The following VAT1L variants were observed in gnomAD, a reference collection of about 807,000 sequenced individuals.
VAT1L encodes the protein putative NADPH-dependent quinone oxidoreductase VAT1L.
VAT1L carries 34 observed loss-of-function variants against 44.1 expected under a neutral mutation model. The ratio of observed to expected loss-of-function variants is 0.77; its 90% CI spans 0.59 to 1.03. VAT1L has a LOEUF of 1.03. Ranked by LOEUF, VAT1L falls within the 50% of genes least tolerant of loss-of-function variation. The pLI is 0.00. For missense variants in VAT1L, 615 were observed against 538.8 expected (o/e 1.14, Z -1.40); for synonymous variants, 253 against 202.2 (o/e 1.25, Z -2.13).
intron 7 of VAT1L, among the ~76,000 whole-genome samples, chr16:77,930,602 G>A (rs577626219): frequency 3.3e-5 from 5 of 152,254 alleles, no homozygotes; most frequent in Admixed American, 6.5e-5. Flanking sequence ...GGTAGGTTCC[G>A]TAGCACTCAA....
intron 7 of VAT1L, among the ~76,000 whole-genome samples, chr16:77,932,672 A>G (rs1415212533): frequency 2.0e-5 from 3 of 152,220 alleles, no homozygotes; most frequent in Non-Finnish European, 4.4e-5. Flanking sequence ...CAGTAGAAAC[A>G]GAGTGTCTGG....
chr16:77,792,706 C>G (rs1189785288), intron 1 of VAT1L, among the ~76,000 whole-genome samples: 1 of 152,158 alleles, frequency 6.6e-6, no homozygotes, highest in Non-Finnish European at 1.5e-5. Context: ...GGGATGGGCA[C>G]CTGCCCATAG....
rs535147715 is a variant in VAT1L at position 77,914,997 on chromosome 16, T to C, written c.1077+30195T>C. Among the ~76,000 whole-genome samples, 10 of 152,192 alleles carry C rather than the reference T, an allele frequency of 6.6e-5. No homozygotes were observed. The South Asian group carries it at 8.3e-4, about 13-fold the overall frequency. Reference sequence around the variant, plus strand: ...AAAATTAGCCAGGCCTAGTGGCACATGTCTGTAATCCCAGCTACTCGGGAG... The same window carrying C: ...AAAATTAGCCAGGCCTAGTGGCACACGTCTGTAATCCCAGCTACTCGGGAG... On this transcript the variant is annotated intron_variant, in intron 7 of 8. Transcript: ENST00000302536.
chr16:77,968,821 T>C (rs555153066), intron 7 of VAT1L, among the ~76,000 whole-genome samples: 1 of 152,254 alleles, frequency 6.6e-6, no homozygotes, highest in East Asian at 1.9e-4. Flanking sequence ...TTTGCAAGAA[T>C]CAATTCTTTT....
In VAT1L at chr16:77,795,277, T is replaced by TGG. The variant is rs145455817; in HGVS notation, c.233+6366_233+6367dup. 4.0e-3 allele frequency among the ~76,000 whole-genome samples: 284 copies of TGG among 71,104 alleles called. 1 individual carries two copies. Among genetic ancestry groups the TGG allele is most frequent in the Middle Eastern group, 9.3e-3 (1 of 108 alleles). 46.6% of individuals were successfully genotyped at this position (71,104 alleles called of 152,430 possible). ...AAGCAATAATTGGTAGAATTTACAG[T>TGG]GGGGGCGGGGGGAAAGATTGAGAAA... On this transcript the variant is annotated intron_variant, in intron 1 of 8. Coordinates refer to ENST00000302536, the MANE Select transcript of VAT1L (RefSeq NM_020927.3).
rs547111013 is a variant in VAT1L, at chr16:77,918,575, C to T, written c.1077+33773C>T. On this transcript the variant is annotated intron_variant, in intron 7 of 8. Coordinates refer to ENST00000302536, the MANE Select transcript of VAT1L (RefSeq NM_020927.3). ...CTGTGATCAACACTAGAATGTCAGG[C>T]CCCAGTGTCTGCTGGGAGGGTGCGA... 9.2e-5 allele frequency among the ~76,000 whole-genome samples: 14 copies of T among 152,256 alleles called. 1 individual carries two copies. In the South Asian group the frequency reaches 2.7e-3, roughly 29 times the overall value.
In VAT1L at chr16:77,884,699, A is replaced by G. The variant is rs1236307367; in HGVS notation, c.974A>G (p.Gln325Arg). Reference protein sequence around the residue: ...GFSLLNLLFKQGRAGLIRGVV... With the variant: ...GFSLLNLLFKRGRAGLIRGVV... ...TCCCTTTTAAATCTGCTCTTCAAAC[A>G]AGGCCGGGCGGGCCTCATTCGGGGA... is the stretch of plus-strand genomic sequence containing the variant. Residue 325 changes from glutamine to arginine, a missense_variant, in exon 7 of 9, where the codon CAA becomes CGA. Coordinates refer to ENST00000302536, the MANE Select transcript of VAT1L (RefSeq NM_020927.3). The surrounding 1 kb of genome is among the most constrained non-coding windows in gnomAD (Gnocchi z 4.5). 1.2e-6 allele frequency: 2 copies of G among 1,612,096 alleles called. No individual in the cohort carries two copies. The highest frequency in any genetic ancestry group is 1.1e-5 in the South Asian group (1 of 90,576).
chr16:77,894,589 C>A (rs571189289), intron 7 of VAT1L, among the ~76,000 whole-genome samples: 1 of 152,048 alleles, frequency 6.6e-6, no homozygotes, highest in South Asian at 2.1e-4. Flanking sequence ...GCTGATGGGG[C>A]ATGGCATTTC....
intron 3 of VAT1L, among the ~76,000 whole-genome samples, chr16:77,842,288 T>C (rs2016715211): frequency 6.6e-6 from 1 of 152,152 alleles, no homozygotes; most frequent in South Asian, 2.1e-4. Flanking sequence ...GGAAACACAC[T>C]CCTGTAGATC....
At chr16:77,873,806 A>G (rs2142451260) in intron 4 of VAT1L, among the ~76,000 whole-genome samples, 1 of 152,254 alleles carries the variant, frequency 6.6e-6, no homozygotes, top group Non-Finnish European at 1.5e-5. Context: ...CTCTAAGGAG[A>G]GCAGGGGATA....
At chr16:77,854,386 C>A (rs1359489006) in intron 3 of VAT1L, among the ~76,000 whole-genome samples, 2 of 152,120 alleles carry the variant, frequency 1.3e-5, no homozygotes, top group African/African-American at 4.8e-5. Context: ...GTCTTTGCTG[C>A]CTTTGGTGGC....
intron 3 of VAT1L, among the ~76,000 whole-genome samples, chr16:77,831,908 C>T (rs775166525): frequency 2.0e-5 from 3 of 151,804 alleles, no homozygotes; most frequent in Non-Finnish European, 2.9e-5. Context: ...TTCTGCCTCC[C>T]GGCTTCAATC....
At chr16:77,817,751 C>T (rs2016381047) in intron 2 of VAT1L, among the ~76,000 whole-genome samples, 1 of 152,128 alleles carries the variant, frequency 6.6e-6, no homozygotes, top group South Asian at 2.1e-4. Context: ...TATTATAACG[C>T]AAATCAAATA....
chr16:77,947,694 A>T (rs1029833207), intron 7 of VAT1L, among the ~76,000 whole-genome samples: 1 of 152,228 alleles, frequency 6.6e-6, no homozygotes, highest in African/African-American at 2.4e-5. Context: ...CAATGCATTC[A>T]GTCCTTTCAG....
intron 7 of VAT1L, among the ~76,000 whole-genome samples, chr16:77,888,737 A>G (rs1203650836): frequency 6.6e-6 from 1 of 152,214 alleles, no homozygotes; most frequent in Non-Finnish European, 1.5e-5. Flanking sequence ...GACATTGTCA[A>G]ATGTCTCCTG....
intron 3 of VAT1L, among the ~76,000 whole-genome samples, chr16:77,834,818 C>T (rs1357658887): frequency 1.3e-5 from 2 of 152,146 alleles, no homozygotes; most frequent in African/African-American, 2.4e-5. Flanking sequence ...TGGCCTGGGC[C>T]CTGGAGTCAG....
At chr16:77,913,106 G>A (rs954171646) in intron 7 of VAT1L, among the ~76,000 whole-genome samples, 15 of 152,076 alleles carry the variant, frequency 9.9e-5, no homozygotes, top group African/African-American at 1.9e-4. Context: ...CTGTTTCTCC[G>A]ATCCCCTTTG....
At chr16:77,926,170 G>C (rs371778659) in intron 7 of VAT1L, among the ~76,000 whole-genome samples, 2 of 148,858 alleles carry the variant, frequency 1.3e-5, no homozygotes, top group Non-Finnish European at 3.0e-5. Context: ...GGAGAGTGGC[G>C]TGAACCCGGG....
At chr16:77,832,434 C>G (rs1324081472) in intron 3 of VAT1L, among the ~76,000 whole-genome samples, 1 of 152,206 alleles carries the variant, frequency 6.6e-6, no homozygotes, top group Non-Finnish European at 1.5e-5. Context: ...CTAAAGACAG[C>G]TGTAACTTCC....
Sources: gnomAD v4.1 joint callset for allele counts (sites outside exome capture counted in the v4.1 genomes callset) on GRCh38, gnomAD v4.1.1 for gene constraint, Gnocchi (gnomAD v3.1) non-coding constraint, MANE v1.5 for transcripts, NCBI Gene and HGNC (gene_info 2026-07-23, HGNC 2026-07-21) for gene names.